The following SLC30A5 variants were observed in gnomAD, a reference collection of about 807,000 sequenced individuals.
SLC30A5 encodes solute carrier family 30 member 5, also known as proton-coupled zinc antiporter SLC30A5.
In SLC30A5, 33 loss-of-function variants were observed where a neutral mutation model predicts 79.6. The ratio of observed to expected loss-of-function variants is 0.41; its 90% confidence interval spans 0.31 to 0.55. The LOEUF (loss-of-function observed/expected upper bound fraction) is 0.55. Among genes scored for constraint, SLC30A5 ranks in the 20% least tolerant of loss-of-function variants. The pLI is 0.20. For missense variants in SLC30A5, 788 were observed against 928.1 expected (o/e 0.85, Z 1.96); for synonymous variants, 299 against 319.7 (o/e 0.94, Z 0.69).
intron 1 of SLC30A5, 45 bp from the exon 2 acceptor site, chr5:69,100,762 G>A: frequency 6.6e-7 from 1 of 1,525,462 alleles, no homozygotes; most frequent in South Asian, 1.2e-5. Context: ...TGAGCTGCTT[G>A]TAATTTCAGT....
At chr5:69,107,657 G>A (rs2111958016) in intron 4 of SLC30A5, among the ~76,000 whole-genome samples, 1 of 151,962 alleles carries the variant, frequency 6.6e-6, no homozygotes, top group Admixed American at 6.5e-5. Flanking sequence ...ATAATCTTAT[G>A]GCACCACCAT....
At position 69,100,947 on chromosome 5, in the gene SLC30A5, T is replaced by C. The variant is rs201029134; in HGVS notation, c.206+18T>C. On this transcript the variant is annotated intron_variant, in intron 2 of 15. Transcript: ENST00000396591. The stretch of plus-strand genomic sequence containing the variant: ...AAACTTGGGTGAGTGTGGGGGGGGG[T>C]TTTTTCTTGATATTTTTTATTTCTT... 1.8e-5 allele frequency: 19 copies of C among 1,065,526 alleles called. No individual in the cohort carries two copies. Among genetic ancestry groups the C allele is most frequent in the Admixed American group, 5.2e-5 (2 of 38,366 alleles). 66.0% of individuals were successfully genotyped at this position (1,065,526 alleles called of 1,614,324 possible).
chr5:69,116,067 A>G lies in SLC30A5; in HGVS notation c.925A>G (p.Ile309Val). 5 of 1,614,058 alleles carry G rather than the reference A, an allele frequency of 3.1e-6. No homozygotes were observed. The highest frequency in any genetic ancestry group is 3.4e-6 in the Non-Finnish European group (4 of 1,180,006). Residue 309 changes from isoleucine (I) to valine (V), a missense_variant, in exon 9 of 16, where the codon ATT becomes GTT. Ile to Val is a conservative substitution (Grantham distance 29). Around this residue, in one of 3 missense-constraint regions of SLC30A5, gnomAD observed 626 missense variants for 755.5 expected, o/e 0.83. Coordinates refer to ENST00000396591, the MANE Select transcript of SLC30A5 (RefSeq NM_022902.5). The surrounding 1 kb of genome is among the most constrained non-coding windows in gnomAD (Gnocchi z 4.0). ...SKCARYGSFP[I>V]FISALLFGNF... ...ATGTGCTCGTTATGGATCCTTTCCCATTTTTATTAGTGCTCTCCTTTTTGG... is the reference window on the plus strand; with the variant it reads ...ATGTGCTCGTTATGGATCCTTTCCCGTTTTTATTAGTGCTCTCCTTTTTGG...
intron 2 of SLC30A5, among the ~76,000 whole-genome samples, chr5:69,101,494 G>A (rs549191709): frequency 6.6e-6 from 1 of 151,302 alleles, no homozygotes; most frequent in Non-Finnish European, 1.5e-5. Context: ...GGCCAGGATG[G>A]TCTCAATCTC....
intron 12 of SLC30A5, among the ~76,000 whole-genome samples, chr5:69,118,989 T>G (rs764602391): frequency 9.9e-5 from 15 of 151,834 alleles, no homozygotes; most frequent in Non-Finnish European, 1.0e-4. Context: ...TTTGTATAGA[T>G]AGAGTTTCGC....
At chr5:69,100,439 C>T (rs754488629) in intron 1 of SLC30A5, among the ~76,000 whole-genome samples, 2 of 152,006 alleles carry the variant, frequency 1.3e-5, no homozygotes, top group Non-Finnish European at 2.9e-5. Context: ...GCTTTTGCCA[C>T]GTTGCGGAGG....
At chr5:69,104,033 A>G (rs1419529448) in intron 3 of SLC30A5, 3 of 1,564,860 alleles carry the variant, frequency 1.9e-6, no homozygotes, top group Admixed American at 1.9e-5. Flanking sequence ...CTAGGAAACT[A>G]GTGGGAAACT....
At chr5:69,115,903 C>A (rs777650487) in intron 8 of SLC30A5, 23 bp from the exon 9 acceptor site, 39 of 1,574,066 alleles carry the variant, frequency 2.5e-5, no homozygotes, top group Non-Finnish European at 3.1e-5. Flanking sequence ...ATAGTCTTGA[C>A]AATTCTTTTT....
chr5:69,112,125 C>T (rs1746250521), intron 5 of SLC30A5, among the ~76,000 whole-genome samples: 1 of 151,810 alleles, frequency 6.6e-6, no homozygotes, highest in Non-Finnish European at 1.5e-5. Flanking sequence ...TGGTGAAACC[C>T]GTCTGTACTA....
Position 69,094,272 on chromosome 5 carries a change from GCGGGGA to G in SLC30A5, c.20_25del (p.Gly7_Asp8del), listed in dbSNP as rs1745651226. On this transcript the variant is annotated inframe_deletion, in exon 1 of 16. Transcript: ENST00000396591. The stretch of plus-strand genomic sequence containing the variant: ...AGCCCCGGGATGGAGGAGAAATACG[GCGGGGA>G]CGTGCTGGCCGGCCCCGGCGGCGGC... 2 of 1,260,028 alleles carry G rather than the reference GCGGGGA, an allele frequency of 1.6e-6. No homozygotes were observed. Among genetic ancestry groups the G allele is most frequent in the South Asian group, 7.0e-5 (2 of 28,494 alleles). The allele number at this position is 1,260,028 out of a possible 1,614,324, so 78.1% of individuals were successfully genotyped here.
At chr5:69,100,661 A>C in intron 1 of SLC30A5, 146 bp from the exon 2 acceptor site, 1 of 455,718 alleles carries the variant, frequency 2.2e-6, no homozygotes, top group Non-Finnish European at 3.9e-6. Context: ...GTGGATGGTG[A>C]GTTGTTTGGG....
chr5:69,126,442 A>G (rs2112004239), intron 14 of SLC30A5, among the ~76,000 whole-genome samples: 1 of 152,256 alleles, frequency 6.6e-6, no homozygotes, highest in South Asian at 2.1e-4. Flanking sequence ...GCCTGGCCTA[A>G]AGTATTTTTT....
At chr5:69,126,800 A>G (rs556608838) in intron 14 of SLC30A5, among the ~76,000 whole-genome samples, 39 of 150,418 alleles carry the variant, frequency 2.6e-4, no homozygotes, top group African/African-American at 9.5e-4. Context: ...AACAACAACA[A>G]CAACAACAAA....
chr5:69,124,576 A>T (rs1282498648), intron 14 of SLC30A5, among the ~76,000 whole-genome samples: 5 of 152,132 alleles, frequency 3.3e-5, no homozygotes, highest in Non-Finnish European at 7.4e-5. Context: ...ATAGAGAAAT[A>T]TTTTTGTTTG....
rs79675333 is a variant in SLC30A5, at chr5:69,116,230, T to C, written c.1072+16T>C. On this transcript the variant is annotated intron_variant, in intron 9 of 15. Coordinates refer to ENST00000396591, the MANE Select transcript of SLC30A5 (RefSeq NM_022902.5). The surrounding 1 kb of genome is among the most constrained non-coding windows in gnomAD (Gnocchi z 4.0). ...TTCATTTTGTGTAAGCATTCCCCCC[T>C]TTTTTTTATTTTAACAAATTTCTAT... is the stretch of plus-strand genomic sequence containing the variant. 3.0e-5 allele frequency: 46 copies of C among 1,522,116 alleles called. No homozygotes were observed. Among genetic ancestry groups the C allele is most frequent in the African/African-American group, 8.5e-5 (6 of 70,774 alleles). 94.3% of individuals were successfully genotyped at this position (1,522,116 alleles called of 1,614,324 possible). A position where few individuals can be genotyped will look rare whatever the true frequency, so the allele number is the denominator to read the frequency against.
intron 12 of SLC30A5, among the ~76,000 whole-genome samples, chr5:69,120,001 TAGAG>T (rs1196200964): frequency 9.0e-6 from 1 of 111,184 alleles, no homozygotes; most frequent in African/African-American, 3.6e-5. Context: ...GCCTGGGTGA[TAGAG>T]AGACTCTGCC....
intron 15 of SLC30A5, among the ~76,000 whole-genome samples, chr5:69,128,972 C>T (rs1231145387): frequency 1.3e-5 from 2 of 152,060 alleles, no homozygotes; most frequent in Non-Finnish European, 2.9e-5. Flanking sequence ...TTATCTTGGA[C>T]TACTGTAACT....
In SLC30A5 at chr5:69,115,235, A is replaced by G; in HGVS notation, c.613-2A>G. On this transcript the variant is annotated splice_acceptor_variant, in intron 7 of 15. Transcript: ENST00000396591. LOFTEE classifies it high-confidence loss of function. ...ATGAGACTTATCTAATTTTACTCAC[A>G]GGGTGGAGTATTATTGCTAGTACTG... 6.2e-7 allele frequency: 1 copy of G among 1,602,686 alleles called. No individual in the cohort carries two copies.
At chr5:69,094,863 A>C (rs1179775624) in intron 1 of SLC30A5, among the ~76,000 whole-genome samples, 1 of 149,646 alleles carries the variant, frequency 6.7e-6, no homozygotes, top group Non-Finnish European at 1.5e-5. Flanking sequence ...TAAATAAGAA[A>C]TGTGTCCTCG....
Sources: gnomAD v4.1 joint callset for allele counts (sites outside exome capture counted in the v4.1 genomes callset) on GRCh38, gnomAD v4.1.1 for gene constraint, gnomAD v4.1.1 regional missense constraint, Gnocchi (gnomAD v3.1) non-coding constraint, MANE v1.5 for transcripts, NCBI Gene and HGNC (gene_info 2026-07-23, HGNC 2026-07-21) for gene names.